The following ALPK2 variants were observed in gnomAD, a reference collection of about 807,000 sequenced individuals.
ALPK2 encodes alpha kinase 2.
Under a neutral mutation model 163.1 loss-of-function variants are expected in ALPK2, and 127 were observed. That is an observed-to-expected ratio of 0.78 (90% CI 0.67 to 0.90). ALPK2 has a LOEUF of 0.90. Ranked by LOEUF, ALPK2 falls within the 40% of genes least tolerant of loss-of-function variation. ALPK2 has a pLI of 0.00. For synonymous variants in ALPK2, 953 were observed against 959.1 expected (o/e 0.99, Z 0.12); for missense variants, 2,360 against 2,589.6 (o/e 0.91, Z 1.92).
chr18:58,589,003 C>T (rs951507416), intron 3 of ALPK2, among the ~76,000 whole-genome samples: 3 of 151,920 alleles, frequency 2.0e-5, no homozygotes, highest in Non-Finnish European at 4.4e-5. Flanking sequence ...CAGTTTTGAC[C>T]CTGAGGATCC....
rs781603343 is a variant in ALPK2 at position 58,517,063 on chromosome 18, C to G, written c.5785G>C (p.Val1929Leu). Residue 1929 changes from valine (V) to leucine (L), a missense_variant, in exon 9 of 13, where the codon GTT becomes CTT. Physicochemically the swap from Val to Leu is conservative, Grantham distance 32. Transcript: ENST00000361673. Reference sequence around the variant, plus strand: ...GTGCTGCGGAAGGCTTTGCGGTGAACCCCTTCTCCAAAGTGCAGCTCCTCC... The same window carrying G: ...GTGCTGCGGAAGGCTTTGCGGTGAAGCCCTTCTCCAAAGTGCAGCTCCTCC... ...ATEELHFGEGVHRKAFRSTVM... is the reference protein window; with the variant it reads ...ATEELHFGEGLHRKAFRSTVM... The G allele has an allele frequency of 1.2e-6, 2 of 1,614,240 alleles. No homozygotes were observed. The highest frequency in any genetic ancestry group is 2.2e-5 in the South Asian group (2 of 91,088).
At chr18:58,618,979 G>A (rs2052184604) in intron 1 of ALPK2, among the ~76,000 whole-genome samples, 1 of 152,220 alleles carries the variant, frequency 6.6e-6, no homozygotes, top group Non-Finnish European at 1.5e-5. Flanking sequence ...GCGGGGACAG[G>A]AGGGATTAGT....
chr18:58,508,546 G>A (rs1220450990), intron 10 of ALPK2, among the ~76,000 whole-genome samples: 1 of 152,182 alleles, frequency 6.6e-6, no homozygotes, highest in Admixed American at 6.5e-5. Flanking sequence ...AAACCAAGAT[G>A]GCGACAAGAA....
At chr18:58,578,738 A>ACACACGTGCGCACGCGCGCG (rs138127797) in intron 4 of ALPK2, 76 bp downstream of exon 4, 2 of 936,582 alleles carry the variant, frequency 2.1e-6, no homozygotes, top group Middle Eastern at 6.2e-4. Context: ...GAAGAGACAC[A>ACACACGTGCGCACGCGCGCG]CACACACACA....
At chr18:58,506,844 C>T (rs942919247) in intron 10 of ALPK2, among the ~76,000 whole-genome samples, 2 of 152,136 alleles carry the variant, frequency 1.3e-5, no homozygotes, top group Non-Finnish European at 2.9e-5. Flanking sequence ...CCTGTTTAGC[C>T]GCCTCCCTGG....
chr18:58,620,401 C>T (rs941180494), intron 1 of ALPK2, among the ~76,000 whole-genome samples: 4 of 152,138 alleles, frequency 2.6e-5, no homozygotes, highest in Non-Finnish European at 4.4e-5. Flanking sequence ...AGAGACCATA[C>T]AATAAATGGA....
chr18:58,568,275 G>C (rs2051866940), intron 4 of ALPK2, among the ~76,000 whole-genome samples: 1 of 152,222 alleles, frequency 6.6e-6, no homozygotes, highest in Non-Finnish European at 1.5e-5. Flanking sequence ...GCCTCTGTTT[G>C]AAAAGTGCTA....
Position 58,611,772 on chromosome 18 carries a change from C to T in ALPK2, c.26G>A (p.Arg9Lys), listed in dbSNP as rs750881969. Residue 9 changes from arginine (R) to lysine (K), a missense_variant, in exon 2 of 13, where the codon AGG (arginine) becomes AAG (lysine). Arg to Lys is a conservative substitution (Grantham distance 26). Coordinates refer to ENST00000361673, the MANE Select transcript of ALPK2 (RefSeq NM_052947.4). ...TGTAGATAAAAAACACAGCGGGGGC[C>T]TCTGGGGCCCTTCGGAGTCTTTCAT... MKDSEGPQ[R>K]PPLCFLSTLL... The T allele has an allele frequency of 3.7e-6, 6 of 1,604,876 alleles. No individual in the cohort carries two copies. The East Asian group carries it at 1.1e-4, about 30-fold the overall frequency.
In ALPK2 at chr18:58,490,408, G is replaced by T. The variant is rs114756934; in HGVS notation, c.6296+7641C>A. On this transcript the variant is annotated intron_variant, in intron 12 of 12. Coordinates refer to ENST00000361673, the MANE Select transcript of ALPK2 (RefSeq NM_052947.4). ...CGCCCCTGCTTTCCGCCTGGTCCAG[G>T]TGGTGCAGGTCAGATCTTGTCATGG... 4.0e-3 allele frequency among the ~76,000 whole-genome samples: 614 copies of T among 152,292 alleles called. 3 individuals carry two copies. The highest frequency in any genetic ancestry group is 0.014 in the African/African-American group (577 of 41,578).
chr18:58,508,780 C>G (rs995419478), intron 10 of ALPK2, among the ~76,000 whole-genome samples: 3 of 152,176 alleles, frequency 2.0e-5, no homozygotes, highest in African/African-American at 7.2e-5. Context: ...TCACTTTACT[C>G]TATGGACTTG....
intron 5 of ALPK2, among the ~76,000 whole-genome samples, chr18:58,534,577 G>T (rs2051632956): frequency 6.6e-6 from 1 of 152,180 alleles, no homozygotes; most frequent in Non-Finnish European, 1.5e-5. Flanking sequence ...CTCAATCGTG[G>T]TTCTCCCGAT....
In ALPK2 at chr18:58,517,110, C is replaced by A; in HGVS notation, c.5738G>T (p.Arg1913Leu). 6.2e-7 allele frequency: 1 copy of A among 1,614,218 alleles called. No homozygotes were observed. The highest frequency in any genetic ancestry group is 8.5e-7 in the Non-Finnish European group (1 of 1,180,034). The change falls in exon 9 of 13, where the codon CGC (arginine) becomes CTC (leucine). Residue 1913 changes from arginine (R) to leucine (L), a missense_variant. Arg to Leu is a moderately radical substitution (Grantham distance 102). Coordinates refer to ENST00000361673, the MANE Select transcript of ALPK2 (RefSeq NM_052947.4). ...DFLHDSYFGG[R>L]LRGQIATEEL... ...CTCCGTGGCGATCTGACCACGCAGG[C>A]GGCCCCCAAAGTAGCTGTCATGGAG... is the stretch of plus-strand genomic sequence containing the variant.
chr18:58,596,046 T>G (rs2052039354), intron 3 of ALPK2, among the ~76,000 whole-genome samples: 1 of 152,086 alleles, frequency 6.6e-6, no homozygotes, highest in East Asian at 1.9e-4. Context: ...TTGATCTGAG[T>G]TCCCTACTCA....
At chr18:58,513,643 G>A (rs977697813) in intron 10 of ALPK2, among the ~76,000 whole-genome samples, 3 of 152,178 alleles carry the variant, frequency 2.0e-5, no homozygotes, top group African/African-American at 4.8e-5. Flanking sequence ...CTGGGAGGCC[G>A]AGGCAGGAAG....
intron 3 of ALPK2, among the ~76,000 whole-genome samples, chr18:58,605,983 G>A (rs1301273543): frequency 1.3e-5 from 2 of 152,254 alleles, no homozygotes; most frequent in Admixed American, 1.3e-4. Flanking sequence ...AAGAATAGAT[G>A]AGTAATGGGT....
chr18:58,616,242 G>C (rs2052167467), intron 1 of ALPK2, among the ~76,000 whole-genome samples: 1 of 152,188 alleles, frequency 6.6e-6, no homozygotes, highest in Non-Finnish European at 1.5e-5. Flanking sequence ...TCCATCCACA[G>C]TTCCTGGCTC....
At chr18:58,553,098 C>T (rs1391434095) in intron 4 of ALPK2, among the ~76,000 whole-genome samples, 1 of 152,170 alleles carries the variant, frequency 6.6e-6, no homozygotes, top group East Asian at 1.9e-4. Context: ...CCAAGGGCTT[C>T]TGGCCACCAC....
At chr18:58,626,523 C>T (rs1446557873) in intron 1 of ALPK2, among the ~76,000 whole-genome samples, 2 of 151,820 alleles carry the variant, frequency 1.3e-5, no homozygotes, top group African/African-American at 2.4e-5. Flanking sequence ...CCTTCATTTT[C>T]ATAGTTTTCA....
chr18:58,599,031 T>C (rs1052554722), intron 3 of ALPK2, among the ~76,000 whole-genome samples: 1 of 152,184 alleles, frequency 6.6e-6, no homozygotes, highest in Non-Finnish European at 1.5e-5. Context: ...GGAGGGGCTC[T>C]TGGATCAACC....
Sources: allele counts gnomAD v4.1 joint callset (sites outside exome capture counted in the v4.1 genomes callset), GRCh38; gene constraint gnomAD v4.1.1; transcripts MANE v1.5; gene names NCBI Gene and HGNC (gene_info 2026-07-23, HGNC 2026-07-21).